RBFOX1: variants seen among roughly 807,000 people sequenced by gnomAD.
RBFOX1 encodes the protein RNA binding protein fox-1 homolog 1.
Under a neutral mutation model 57.7 loss-of-function variants are expected in RBFOX1, and 8 were observed. The observed-to-expected ratio is 0.14, with a 90% CI of 0.08 to 0.25. RBFOX1 has a LOEUF of 0.25. Ranked by LOEUF, RBFOX1 falls within the 10% of genes least tolerant of loss-of-function variation. RBFOX1 has a pLI of 1.00. For missense variants in RBFOX1, 611 were observed against 548.5 expected (o/e 1.11, Z -1.14); for synonymous variants, 326 against 222.4 (o/e 1.47, Z -4.15).
intron 4 of RBFOX1, among the ~76,000 whole-genome samples, chr16:5,883,771 G>A (rs1264172411): frequency 2.0e-5 from 3 of 152,112 alleles, no homozygotes; most frequent in African/African-American, 7.2e-5. Context: ...ACATTCCTGT[G>A]AGTAGATTTG....
intron 2 of RBFOX1, among the ~76,000 whole-genome samples, chr16:6,568,755 G>A (rs9630641): frequency 0.019 from 2,891 of 152,108 alleles, 94 homozygotes; most frequent in African/African-American, 0.065. Context: ...TTGATTACCA[G>A]TGTGCTTATA....
At chr16:6,993,609 A>C (rs1203228158) in intron 3 of RBFOX1, among the ~76,000 whole-genome samples, 3 of 152,170 alleles carry the variant, frequency 2.0e-5, no homozygotes, top group African/African-American at 7.2e-5. Context: ...ACTTGAGTTT[A>C]ATTGTTAAAA....
intron 2 of RBFOX1, among the ~76,000 whole-genome samples, chr16:6,518,536 T>G (rs2096428765): frequency 6.6e-6 from 1 of 151,928 alleles, no homozygotes; most frequent in Admixed American, 6.6e-5. Flanking sequence ...CTGATTCCAG[T>G]TCAAAATCAT....
chr16:6,616,016 G>A (rs1016103425), intron 2 of RBFOX1, among the ~76,000 whole-genome samples: 1 of 152,146 alleles, frequency 6.6e-6, no homozygotes, highest in Non-Finnish European at 1.5e-5. Context: ...TATAGACGCA[G>A]GGACACTGCC....
At chr16:6,723,348 A>T (rs769321512) in intron 3 of RBFOX1, among the ~76,000 whole-genome samples, 16 of 152,062 alleles carry the variant, frequency 1.1e-4, no homozygotes, top group Non-Finnish European at 2.1e-4. Flanking sequence ...TAGGCAGGTT[A>T]TAACATTGAG....
chr16:7,177,664 G>A (rs912340058), intron 4 of RBFOX1, among the ~76,000 whole-genome samples: 4 of 152,058 alleles, frequency 2.6e-5, no homozygotes, highest in Non-Finnish European at 5.9e-5. Flanking sequence ...CCAGGAGGTA[G>A]GGCACTTCCA....
intron 2 of RBFOX1, among the ~76,000 whole-genome samples, chr16:6,429,987 A>G (rs2153002601): frequency 6.6e-6 from 1 of 152,234 alleles, no homozygotes; most frequent in South Asian, 2.1e-4. Flanking sequence ...ACATGCCTGT[A>G]ATCCCAGCTA....
intron 4 of RBFOX1, among the ~76,000 whole-genome samples, chr16:7,233,643 G>C (rs1488342759): frequency 6.6e-6 from 1 of 152,188 alleles, no homozygotes; most frequent in African/African-American, 2.4e-5. Flanking sequence ...TTGTTTCCCT[G>C]GATGCTGCCC....
chr16:5,794,176 C>G (rs891293860), intron 3 of RBFOX1, among the ~76,000 whole-genome samples: 1 of 152,178 alleles, frequency 6.6e-6, no homozygotes, highest in Non-Finnish European at 1.5e-5. Flanking sequence ...GTAACAATCT[C>G]TAAGTCATGG....
At chr16:7,381,920 A>T (rs2097787621) in intron 4 of RBFOX1, among the ~76,000 whole-genome samples, 1 of 152,160 alleles carries the variant, frequency 6.6e-6, no homozygotes, top group Admixed American at 6.5e-5. Context: ...CCACACTGTG[A>T]TGCCCAAAGA....
chr16:5,461,783 A>C (rs1183864624), intron 1 of RBFOX1, among the ~76,000 whole-genome samples: 1 of 152,072 alleles, frequency 6.6e-6, no homozygotes, highest in African/African-American at 2.4e-5. Flanking sequence ...TTAATCTCAC[A>C]TTTCATCTCA....
chr16:5,362,487 C>T (rs572109918), intron 1 of RBFOX1, among the ~76,000 whole-genome samples: 9 of 152,264 alleles, frequency 5.9e-5, no homozygotes, highest in South Asian at 2.1e-4. Flanking sequence ...CTCAGTCTCC[C>T]GAGTAGCTGG....
chr16:7,643,604 T>C (rs2063213618), intron 11 of RBFOX1, among the ~76,000 whole-genome samples: 1 of 152,220 alleles, frequency 6.6e-6, no homozygotes, highest in Admixed American at 6.5e-5. Flanking sequence ...ACTCACACTG[T>C]ACTAGTACAA....
At chr16:5,305,806 C>G (rs574520450) in intron 1 of RBFOX1, among the ~76,000 whole-genome samples, 2 of 152,096 alleles carry the variant, frequency 1.3e-5, no homozygotes, top group African/African-American at 2.4e-5. Context: ...CCCTATCATC[C>G]CAGCAAGTCG....
At chr16:5,603,513 T>C (rs563033545), downstream of RBFOX1, among the ~76,000 whole-genome samples, 1 of 152,290 alleles carries the variant, frequency 6.6e-6, no homozygotes, top group South Asian at 2.1e-4. Context: ...ACCTGTGTCT[T>C]AGATGCAAAG....
At chr16:5,489,257 G>C (rs924028850) in intron 2 of RBFOX1, among the ~76,000 whole-genome samples, 2 of 152,198 alleles carry the variant, frequency 1.3e-5, no homozygotes, top group African/African-American at 4.8e-5. Flanking sequence ...GGCTAACCCT[G>C]TGCTTACACA....
intron 3 of RBFOX1, among the ~76,000 whole-genome samples, chr16:7,039,170 A>T: frequency 6.6e-6 from 1 of 152,192 alleles, no homozygotes; most frequent in South Asian, 2.1e-4. Context: ...ATTCCCGAGG[A>T]CTCTTAGCCA....
intron 14 of RBFOX1, among the ~76,000 whole-genome samples, chr16:7,697,786 C>A (rs150627174): frequency 6.6e-6 from 1 of 152,170 alleles, no homozygotes; most frequent in Admixed American, 6.5e-5. Context: ...TCTACCTTCC[C>A]CAGTATGCTA....
At chr16:6,817,340 C>T (rs999134823) in intron 3 of RBFOX1, among the ~76,000 whole-genome samples, 1 of 152,032 alleles carries the variant, frequency 6.6e-6, no homozygotes, top group African/African-American at 2.4e-5. Flanking sequence ...ACCCTGCTTA[C>T]CTGTTAGCTG....
Sources: allele counts gnomAD v4.1 joint callset (sites outside exome capture counted in the v4.1 genomes callset), GRCh38; gene constraint gnomAD v4.1.1; transcripts MANE v1.5; gene names NCBI Gene and HGNC (gene_info 2026-07-23, HGNC 2026-07-21).